Variants in AGAP1 observed in about 807,000 individuals in gnomAD.
AGAP1 encodes the protein arf-GAP with GTPase, ANK repeat and PH domain-containing protein 1.
In AGAP1, 29 loss-of-function variants were observed where a neutral mutation model predicts 105.3. That is an observed-to-expected ratio of 0.28 (90% CI 0.21 to 0.38). The LOEUF (loss-of-function observed/expected upper bound fraction) is 0.38, where lower values mean the gene tolerates loss of function less well. Among genes scored for constraint, AGAP1 ranks in the 10% least tolerant of loss-of-function variants. The probability of loss-of-function intolerance (pLI) is 1.00; values close to 1 mark genes in which losing one functional copy is unlikely to be tolerated. For missense variants in AGAP1, 998 were observed against 1,165.1 expected (o/e 0.86, Z 2.09); for synonymous variants, 509 against 485.9 (o/e 1.05, Z -0.63).
chr2:236,034,157 T>A (rs2057308594), intron 13 of AGAP1, among the ~76,000 whole-genome samples: 1 of 152,194 alleles, frequency 6.6e-6, no homozygotes, highest in African/African-American at 2.4e-5. Context: ...TGGAAAAGGT[T>A]GTAAATCATA....
chr2:235,873,272 G>A (rs910314337), intron 9 of AGAP1, among the ~76,000 whole-genome samples: 2 of 152,192 alleles, frequency 1.3e-5, no homozygotes, highest in South Asian at 2.1e-4. Flanking sequence ...GAAAGAAAAA[G>A]CATGTTTTTA....
chr2:236,029,809 G>A (rs577833899), intron 13 of AGAP1, among the ~76,000 whole-genome samples: 2 of 151,938 alleles, frequency 1.3e-5, no homozygotes, highest in Admixed American at 1.3e-4. Flanking sequence ...TGTGGTCACA[G>A]CTCACTGCAG....
At chr2:235,984,306 GA>G (rs1378297492) in intron 13 of AGAP1, among the ~76,000 whole-genome samples, 1 of 152,166 alleles carries the variant, frequency 6.6e-6, no homozygotes, top group Non-Finnish European at 1.5e-5. Context: ...CAGACACTTG[GA>G]TTGTTTCCGC....
chr2:236,090,661 G>GT lies in AGAP1; in HGVS notation c.2115-29529dup, dbSNP rs1211124720. Among the ~76,000 whole-genome samples the GT allele has an allele frequency of 6.6e-6, 1 of 152,164 alleles. No individual in the cohort carries two copies. Among genetic ancestry groups the GT allele is most frequent in the Non-Finnish European group, 1.5e-5 (1 of 68,026 alleles). On this transcript the variant is annotated intron_variant, in intron 16 of 17. Transcript: ENST00000304032. The surrounding 1 kb of genome is among the most constrained non-coding windows in gnomAD (Gnocchi z 4.3). ...AGCTAGCAGGGAGGGGGTCTTCCTG[G>GT]TTATACGGCCCAGCTTGCAAACATA...
chr2:235,704,739 G>A (rs1239774476), intron 1 of AGAP1, among the ~76,000 whole-genome samples: 1 of 152,184 alleles, frequency 6.6e-6, no homozygotes, highest in Non-Finnish European at 1.5e-5. Context: ...GTTAGTCTAG[G>A]GCGAGCAGGC....
chr2:235,895,382 G>A (rs563745851), intron 10 of AGAP1, among the ~76,000 whole-genome samples: 8 of 152,098 alleles, frequency 5.3e-5, no homozygotes, highest in Non-Finnish European at 1.2e-4. Flanking sequence ...CTCTATCGCT[G>A]TCTTTGTTTT....
At chr2:236,043,522 T>G (rs908177169) in intron 15 of AGAP1, among the ~76,000 whole-genome samples, 1 of 152,012 alleles carries the variant, frequency 6.6e-6, no homozygotes, top group Non-Finnish European at 1.5e-5. Context: ...AGGTCAGGAG[T>G]TCGAGACCAG....
intron 6 of AGAP1, among the ~76,000 whole-genome samples, chr2:235,797,216 G>GA (rs529041554): frequency 1.9e-4 from 29 of 152,068 alleles, no homozygotes; most frequent in Non-Finnish European, 2.8e-4. Flanking sequence ...CAAGTAACTG[G>GA]AAAAAAAGAT....
At position 236,050,838 on chromosome 2, in the gene AGAP1, G is replaced by C. The variant is rs957027318; in HGVS notation, c.2114+1557G>C. Among the ~76,000 whole-genome samples the C allele has an allele frequency of 6.6e-6, 1 of 152,074 alleles. No homozygotes were observed. Among genetic ancestry groups the C allele is most frequent in the African/African-American group, 2.4e-5 (1 of 41,380 alleles). Reference sequence around the variant, plus strand: ...ATTTAGAAACCATTTGGAATTATTCGAAGCAAAGATACGGGTTCATGTTTT... The same window carrying C: ...ATTTAGAAACCATTTGGAATTATTCCAAGCAAAGATACGGGTTCATGTTTT... On this transcript the variant is annotated intron_variant, in intron 16 of 17. Transcript: ENST00000304032. This position sits in a 1 kb window ranked among gnomAD's most constrained non-coding sequence, Gnocchi z 4.0.
In AGAP1 at chr2:235,665,077, G is replaced by C. The variant is rs569443452; in HGVS notation, c.164-44102G>C. Among the ~76,000 whole-genome samples, 1 of 152,124 alleles carries C rather than the reference G, an allele frequency of 6.6e-6. No individual in the cohort carries two copies. The highest frequency in any genetic ancestry group is 2.1e-4 in the South Asian group (1 of 4,818). Reference sequence around the variant, plus strand: ...TCTCTACAAAAAAATTTAAAAATTAGCCAGGGGTGGTGACATGTGCCTGTG... The same window carrying C: ...TCTCTACAAAAAAATTTAAAAATTACCCAGGGGTGGTGACATGTGCCTGTG... On this transcript the variant is annotated intron_variant, in intron 1 of 17. Coordinates refer to ENST00000304032, the MANE Select transcript of AGAP1 (RefSeq NM_001037131.3). The surrounding 1 kb of genome is among the most constrained non-coding windows in gnomAD (Gnocchi z 5.3).
chr2:235,529,681 A>G (rs1232167897), intron 1 of AGAP1, among the ~76,000 whole-genome samples: 4 of 152,232 alleles, frequency 2.6e-5, no homozygotes, highest in Non-Finnish European at 5.9e-5. Context: ...ATGACCTCCC[A>G]TGTGAGGTGC....
intron 10 of AGAP1, among the ~76,000 whole-genome samples, chr2:235,890,832 A>C (rs2050503288): frequency 6.6e-6 from 1 of 151,978 alleles, no homozygotes. Context: ...GAGCTCTAAA[A>C]CTTTCACCAA....
At chr2:235,913,680 G>A (rs1962215) in intron 11 of AGAP1, among the ~76,000 whole-genome samples, 124,591 of 152,206 alleles carry the variant, frequency 0.82, 51,233 homozygotes, top group East Asian at 0.99. Context: ...GGCTACTGCT[G>A]CCTGCTTATT....
Position 236,001,678 on chromosome 2 carries a change from C to T in AGAP1, c.1645+33055C>T, listed in dbSNP as rs901494904. ...GGTAGAACGTCACATCCTGGAGGGG[C>T]GGGGATTTCCCCTTTTGTTTTGTTT... On this transcript the variant is annotated intron_variant, in intron 13 of 17. Transcript: ENST00000304032. This position sits in a 1 kb window ranked among gnomAD's most constrained non-coding sequence, Gnocchi z 4.7. Among the ~76,000 whole-genome samples the T allele has an allele frequency of 7.9e-5, 12 of 152,182 alleles. No homozygotes were observed. The highest frequency in any genetic ancestry group is 5.2e-4 in the Admixed American group (8 of 15,294).
chr2:235,852,410 A>G (rs542199556), intron 9 of AGAP1, among the ~76,000 whole-genome samples: 57 of 152,172 alleles, frequency 3.7e-4, no homozygotes, highest in East Asian at 3.7e-3. Context: ...AGGGGGGGGA[A>G]CCCCGAAACA....
chr2:235,804,358 A>T (rs1957733098), intron 8 of AGAP1, among the ~76,000 whole-genome samples: 1 of 152,260 alleles, frequency 6.6e-6, no homozygotes, highest in Non-Finnish European at 1.5e-5. Flanking sequence ...TGCACCCAGG[A>T]ACCAAAGATT....
Position 235,750,574 on chromosome 2 carries a change from T to G in AGAP1, c.673+86T>G. Reference sequence around the variant, plus strand: ...AGTCAGTCCTGCCTGCACTTGTGCATGTGGGTGGTGGAAATATGTCGTTGA... The same window carrying G: ...AGTCAGTCCTGCCTGCACTTGTGCAGGTGGGTGGTGGAAATATGTCGTTGA... On this transcript the variant is annotated intron_variant, in intron 6 of 17. Coordinates refer to ENST00000304032, the MANE Select transcript of AGAP1 (RefSeq NM_001037131.3). This position sits in a 1 kb window ranked among gnomAD's most constrained non-coding sequence, Gnocchi z 5.3. 4 of 1,583,950 alleles carry G rather than the reference T, an allele frequency of 2.5e-6. No homozygotes were observed. Among genetic ancestry groups the G allele is most frequent in the Non-Finnish European group, 3.5e-6 (4 of 1,156,332 alleles).
Position 235,919,300 on chromosome 2 carries a change from G to A in AGAP1, c.1324+10394G>A, listed in dbSNP as rs969546075. Among the ~76,000 whole-genome samples the A allele has an allele frequency of 6.6e-6, 1 of 152,234 alleles. No individual in the cohort carries two copies. The highest frequency in any genetic ancestry group is 2.4e-5 in the African/African-American group (1 of 41,458). ...CCTGCAGTCCTTTCCCACACTGGCA[G>A]AGGAGAGTTTTTCGAAGTAATCGTG... On this transcript the variant is annotated intron_variant, in intron 11 of 17. Coordinates refer to ENST00000304032, the MANE Select transcript of AGAP1 (RefSeq NM_001037131.3). This position sits in a 1 kb window ranked among gnomAD's most constrained non-coding sequence, Gnocchi z 4.1.
intron 2 of AGAP1, among the ~76,000 whole-genome samples, chr2:235,711,429 G>A (rs1950848033): frequency 6.6e-6 from 1 of 152,236 alleles, no homozygotes; most frequent in South Asian, 2.1e-4. Flanking sequence ...TATTTTGAAA[G>A]CATATGATTT....
Sources: allele counts gnomAD v4.1 joint callset (sites outside exome capture counted in the v4.1 genomes callset), GRCh38; gene constraint gnomAD v4.1.1; non-coding constraint Gnocchi (gnomAD v3.1); transcripts MANE v1.5; gene names NCBI Gene and HGNC (gene_info 2026-07-23, HGNC 2026-07-21).